Variants in SLC24A2 observed in about 807,000 individuals in gnomAD.
SLC24A2 encodes solute carrier family 24 member 2.
A neutral mutation model predicts 62.0 loss-of-function variants in SLC24A2; 36 were observed. The observed-to-expected ratio is 0.58, with a 90% CI of 0.44 to 0.77. The LOEUF (loss-of-function observed/expected upper bound fraction) is 0.77. SLC24A2 is among the 30% of genes least tolerant of loss of function. The pLI is 0.00. For synonymous variants in SLC24A2, 358 were observed against 294.0 expected (o/e 1.22, Z -2.23); for missense variants, 846 against 817.9 (o/e 1.03, Z -0.42).
chr9:19,699,939 A>G (rs2118519466), intron 2 of SLC24A2, among the ~76,000 whole-genome samples: 1 of 152,268 alleles, frequency 6.6e-6, no homozygotes, highest in South Asian at 2.1e-4. Flanking sequence ...AGAGGTCCTG[A>G]GACCTGAGCT....
intron 4 of SLC24A2, among the ~76,000 whole-genome samples, chr9:19,609,468 T>G (rs1189613599): frequency 6.6e-6 from 1 of 152,244 alleles, no homozygotes; most frequent in Admixed American, 6.5e-5. Flanking sequence ...TTTTTTGTAC[T>G]TCTTTGTTGA....
intron 2 of SLC24A2, among the ~76,000 whole-genome samples, chr9:19,755,552 G>C (rs1322119305): frequency 2.6e-5 from 4 of 152,168 alleles, no homozygotes; most frequent in Non-Finnish European, 5.9e-5. Flanking sequence ...TGACAAAGAG[G>C]GGAAATTACA....
At chr9:19,959,169 G>A in the SLC24A2 span, among the ~76,000 whole-genome samples, 2 of 152,176 alleles carry the variant, frequency 1.3e-5, no homozygotes. Flanking sequence ...CATAGGAGAA[G>A]AATCAGTGAT....
At chr9:19,873,146 C>T in the SLC24A2 span, among the ~76,000 whole-genome samples, 1 of 152,126 alleles carries the variant, frequency 6.6e-6, no homozygotes, top group African/African-American at 2.4e-5. Context: ...GTTTAAATTT[C>T]TGCCATGCAT....
At chr9:20,063,754 C>A in the SLC24A2 span, among the ~76,000 whole-genome samples, 1 of 152,050 alleles carries the variant, frequency 6.6e-6, no homozygotes, top group Non-Finnish European at 1.5e-5. Context: ...ATGTGAATGG[C>A]TAACAAGCAC....
intron 3 of SLC24A2, 103 bp downstream of exon 3, chr9:19,622,158 G>T (rs41298206): frequency 2.2e-6 from 2 of 902,400 alleles, no homozygotes; most frequent in African/African-American, 3.3e-5. Flanking sequence ...TATTCCAAGG[G>T]AGAGAGTAAT....
At chr9:20,095,016 T>G in the SLC24A2 span, among the ~76,000 whole-genome samples, 2 of 152,162 alleles carry the variant, frequency 1.3e-5, no homozygotes, top group Non-Finnish European at 2.9e-5. Flanking sequence ...CATATTTGTG[T>G]GATGATAGAT....
At chr9:19,966,670 A>G in the SLC24A2 span, among the ~76,000 whole-genome samples, 1 of 152,192 alleles carries the variant, frequency 6.6e-6, no homozygotes, top group South Asian at 2.1e-4. Flanking sequence ...AGAAATACAA[A>G]TTGAACATTC....
the SLC24A2 span, among the ~76,000 whole-genome samples, chr9:19,925,243 G>A: frequency 6.6e-6 from 1 of 152,138 alleles, no homozygotes; most frequent in Non-Finnish European, 1.5e-5. Flanking sequence ...GATTTATAGT[G>A]ACCCAGAAAA....
chr9:19,834,337 G>C, the SLC24A2 span, among the ~76,000 whole-genome samples: 1 of 151,900 alleles, frequency 6.6e-6, no homozygotes, highest in African/African-American at 2.4e-5. Context: ...AAAAAAATTA[G>C]ACGAATGGAT....
intron 2 of SLC24A2, among the ~76,000 whole-genome samples, chr9:19,748,016 C>T (rs535075548): frequency 2.0e-5 from 3 of 152,322 alleles, no homozygotes; most frequent in African/African-American, 7.2e-5. Flanking sequence ...TAAGGGCTGA[C>T]ACTCAGTTGC....
At chr9:19,813,607 C>G in the SLC24A2 span, among the ~76,000 whole-genome samples, 2 of 152,062 alleles carry the variant, frequency 1.3e-5, no homozygotes, top group Non-Finnish European at 2.9e-5. Context: ...GTATGAACCA[C>G]CACGTCCAGC....
intron 2 of SLC24A2, among the ~76,000 whole-genome samples, chr9:19,740,066 G>A (rs76537692): frequency 2.2e-3 from 330 of 152,190 alleles, no homozygotes; most frequent in African/African-American, 7.8e-3. Context: ...TGACCAGACC[G>A]GTCAAAATGA....
intron 2 of SLC24A2, among the ~76,000 whole-genome samples, chr9:19,696,122 T>A (rs550834027): frequency 1.8e-3 from 277 of 152,254 alleles, no homozygotes; most frequent in African/African-American, 6.5e-3. Context: ...GGAACCCTAT[T>A]GTGAACTGTG....
intron 7 of SLC24A2, among the ~76,000 whole-genome samples, chr9:19,567,115 A>AAT (rs1226600051): frequency 6.6e-6 from 1 of 150,640 alleles, no homozygotes; most frequent in Non-Finnish European, 1.5e-5. Flanking sequence ...TAATAAAAAA[A>AAT]ATATATATAT....
chr9:20,041,992 T>C, the SLC24A2 span, among the ~76,000 whole-genome samples: 3 of 152,176 alleles, frequency 2.0e-5, no homozygotes, highest in Non-Finnish European at 2.9e-5. Flanking sequence ...AGCGCTACCA[T>C]GAGACAAAGG....
intron 7 of SLC24A2, among the ~76,000 whole-genome samples, chr9:19,566,031 A>T (rs1487090561): frequency 1.3e-5 from 2 of 152,242 alleles, no homozygotes; most frequent in East Asian, 1.9e-4. Context: ...AACCTAGGCA[A>T]TACCATTCAG....
the SLC24A2 span, among the ~76,000 whole-genome samples, chr9:19,845,568 T>C: frequency 0.011 from 1,709 of 152,266 alleles, 32 homozygotes; most frequent in African/African-American, 0.039. Flanking sequence ...ACTCTATTTA[T>C]GGATTTGGGG....
chr9:19,669,258 C>A (rs576179126), intron 2 of SLC24A2, among the ~76,000 whole-genome samples: 1 of 152,172 alleles, frequency 6.6e-6, no homozygotes, highest in East Asian at 1.9e-4. Context: ...GAACACAGCT[C>A]CCTTGTGGTG....
Sources: allele counts gnomAD v4.1 joint callset (sites outside exome capture counted in the v4.1 genomes callset), GRCh38; gene constraint gnomAD v4.1.1; transcripts MANE v1.5; gene names NCBI Gene and HGNC (gene_info 2026-07-23, HGNC 2026-07-21).